The following GRID2 variants were observed in gnomAD, a reference collection of about 807,000 sequenced individuals.
The protein encoded by GRID2 is glutamate receptor ionotropic, delta-2.
In GRID2, 33 loss-of-function variants were observed where a neutral mutation model predicts 114.8. The ratio of observed to expected loss-of-function variants is 0.29; its 90% CI spans 0.22 to 0.38. GRID2 has a LOEUF of 0.38. GRID2 is among the 10% of genes least tolerant of loss of function. The probability of loss-of-function intolerance (pLI) is 1.00; values close to 1 mark genes in which losing one functional copy is unlikely to be tolerated. For synonymous variants in GRID2, 505 were observed against 449.9 expected (o/e 1.12, Z -1.55); for missense variants, 1,184 against 1,257.7 (o/e 0.94, Z 0.89).
At chr4:92,309,581 T>C (rs952643064) in intron 1 of GRID2, among the ~76,000 whole-genome samples, 3 of 151,672 alleles carry the variant, frequency 2.0e-5, no homozygotes, top group Admixed American at 2.0e-4. Context: ...CAGAAAAAAA[T>C]GTCATTTTAA....
In GRID2 at chr4:92,869,076, C is replaced by G. The variant is rs375408469; in HGVS notation, c.245-215919C>G. 2.6e-5 allele frequency among the ~76,000 whole-genome samples: 4 copies of G among 152,148 alleles called. No individual in the cohort carries two copies. The South Asian group carries it at 8.3e-4, about 32-fold the overall frequency. On this transcript the variant is annotated intron_variant, in intron 2 of 15. Coordinates refer to ENST00000282020, the MANE Select transcript of GRID2 (RefSeq NM_001510.4). ...ATAAATGTGAGAACAATATGTGTTT[C>G]CTTCTGTGTGTCCATCTCTGCCTCT... is the stretch of plus-strand genomic sequence containing the variant.
intron 6 of GRID2, 164 bp downstream of exon 6, chr4:93,217,075 G>A (rs145733975): frequency 1.7e-4 from 77 of 466,240 alleles, no homozygotes; most frequent in Non-Finnish European, 2.4e-4. Context: ...AAGAATTTGC[G>A]TCTTTGTTCT....
At chr4:93,524,513 A>T (rs957943590) in intron 13 of GRID2, among the ~76,000 whole-genome samples, 50 of 151,992 alleles carry the variant, frequency 3.3e-4, no homozygotes, top group African/African-American at 1.1e-3. Context: ...GGATTTTTTT[A>T]AATTATTATT....
intron 1 of GRID2, among the ~76,000 whole-genome samples, chr4:92,558,833 C>T (rs1395140707): frequency 1.4e-5 from 2 of 147,620 alleles, no homozygotes; most frequent in Non-Finnish European, 3.0e-5. Context: ...ATAATGAATT[C>T]ATTACTAGAG....
intron 1 of GRID2, among the ~76,000 whole-genome samples, chr4:92,336,572 T>G (rs1375248650): frequency 6.6e-6 from 1 of 152,216 alleles, no homozygotes; most frequent in African/African-American, 2.4e-5. Context: ...CTACCCCTAC[T>G]CACCTATTCT....
chr4:93,358,618 CA>C (rs1761574043), intron 8 of GRID2, among the ~76,000 whole-genome samples: 1 of 151,560 alleles, frequency 6.6e-6, no homozygotes, highest in South Asian at 2.1e-4. Flanking sequence ...AAAAAAGAAA[CA>C]AAAAAGTGCT....
chr4:92,915,502 T>A (rs1748713094), intron 2 of GRID2, among the ~76,000 whole-genome samples: 1 of 152,128 alleles, frequency 6.6e-6, no homozygotes, highest in African/African-American at 2.4e-5. Context: ...AAATTGTACT[T>A]TGGGGATTAT....
intron 12 of GRID2, among the ~76,000 whole-genome samples, chr4:93,508,751 C>A (rs922230282): frequency 6.6e-6 from 1 of 152,126 alleles, no homozygotes; most frequent in Non-Finnish European, 1.5e-5. Flanking sequence ...TGGGAACCAG[C>A]AATCTATATT....
At chr4:92,725,436 G>A (rs1035335297) in intron 2 of GRID2, among the ~76,000 whole-genome samples, 4 of 152,146 alleles carry the variant, frequency 2.6e-5, no homozygotes, top group Non-Finnish European at 5.9e-5. Context: ...AATGGAACAA[G>A]TTGGATTAAA....
intron 1 of GRID2, among the ~76,000 whole-genome samples, chr4:92,318,331 G>T (rs1013402221): frequency 4.2e-5 from 5 of 119,002 alleles, no homozygotes; most frequent in Non-Finnish European, 8.5e-5. Flanking sequence ...TTTTTGGTAA[G>T]CAATATTATA....
At chr4:93,701,388 A>G (rs1159812244) in intron 14 of GRID2, among the ~76,000 whole-genome samples, 1 of 152,172 alleles carries the variant, frequency 6.6e-6, no homozygotes, top group African/African-American at 2.4e-5. Flanking sequence ...TCTATAGAAC[A>G]TATGCTATAA....
rs56935584 is a variant in GRID2 at position 92,323,639 on chromosome 4, G to T, written c.88+18895G>T. 7.0e-3 allele frequency among the ~76,000 whole-genome samples: 1,059 copies of T among 152,062 alleles called. 9 individuals are homozygous for T. Among genetic ancestry groups the T allele is most frequent in the African/African-American group, 0.025 (1,019 of 41,496 alleles). ...TTTTTGTGGTCTTATCACTTTCTAT[G>T]TTTTCCACATGAAACTGGCTTTGAG... is the stretch of plus-strand genomic sequence containing the variant. On this transcript the variant is annotated intron_variant, in intron 1 of 15. Coordinates refer to ENST00000282020, the MANE Select transcript of GRID2 (RefSeq NM_001510.4).
At chr4:93,428,452 C>A (rs982109557) in intron 10 of GRID2, among the ~76,000 whole-genome samples, 1 of 151,868 alleles carries the variant, frequency 6.6e-6, no homozygotes, top group Non-Finnish European at 1.5e-5. Flanking sequence ...ATCCATAGAT[C>A]GTATACTAAT....
Position 92,582,551 on chromosome 4 carries a change from G to A in GRID2, c.89-7580G>A, listed in dbSNP as rs1728231548. 5.9e-5 allele frequency among the ~76,000 whole-genome samples: 9 copies of A among 151,842 alleles called. No individual in the cohort carries two copies. In the South Asian group the frequency reaches 1.9e-3, roughly 32 times the overall value. On this transcript the variant is annotated intron_variant, in intron 1 of 15. Transcript: ENST00000282020. Reference sequence around the variant, plus strand: ...ACTGAGACAAATATTGAACTTCAAAGTATGCAAAAAGTACTAGAAATTTTA... The same window carrying A: ...ACTGAGACAAATATTGAACTTCAAAATATGCAAAAAGTACTAGAAATTTTA...
At chr4:92,748,014 C>T (rs1009903037) in intron 2 of GRID2, among the ~76,000 whole-genome samples, 3 of 152,118 alleles carry the variant, frequency 2.0e-5, no homozygotes, top group African/African-American at 7.2e-5. Context: ...TCTTGTTTCT[C>T]TGTTTCTTTC....
At chr4:92,787,027 G>C (rs1334339344) in intron 2 of GRID2, among the ~76,000 whole-genome samples, 1 of 151,866 alleles carries the variant, frequency 6.6e-6, no homozygotes, top group Admixed American at 6.6e-5. Context: ...GTCAATATAT[G>C]TTTGGGTGAT....
intron 14 of GRID2, among the ~76,000 whole-genome samples, chr4:93,656,945 G>A (rs9307128): frequency 0.084 from 12,521 of 148,650 alleles, 1,316 homozygotes; most frequent in African/African-American, 0.25. Flanking sequence ...CACAATTTCA[G>A]ACAAGCTCAC....
intron 4 of GRID2, among the ~76,000 whole-genome samples, chr4:93,189,071 C>T (rs762859998): frequency 6.6e-6 from 1 of 152,136 alleles, no homozygotes; most frequent in Admixed American, 6.6e-5. Flanking sequence ...TTTTCTAGCA[C>T]GTACCTTCAG....
At chr4:92,593,608 T>A (rs1451417736) in intron 2 of GRID2, among the ~76,000 whole-genome samples, 3 of 151,962 alleles carry the variant, frequency 2.0e-5, no homozygotes, top group African/African-American at 7.2e-5. Flanking sequence ...TGACTGTATC[T>A]GTTAATTTTG....
Sources: allele counts gnomAD v4.1 joint callset (sites outside exome capture counted in the v4.1 genomes callset), GRCh38; gene constraint gnomAD v4.1.1; transcripts MANE v1.5; gene names NCBI Gene and HGNC (gene_info 2026-07-23, HGNC 2026-07-21).